The following GAB3 variants were observed in gnomAD, a reference collection of about 807,000 sequenced individuals.
The protein encoded by GAB3 is GRB2-associated-binding protein 3.
GAB3 carries 12 observed loss-of-function variants against 40.4 expected under a neutral mutation model. The observed-to-expected ratio is 0.30, with a 90% CI of 0.19 to 0.48. GAB3 has a LOEUF of 0.48. GAB3 is among the 20% of genes least tolerant of loss of function. GAB3 has a pLI of 0.99. For synonymous variants in GAB3, 154 were observed against 176.7 expected (o/e 0.87, Z 1.02); for missense variants, 381 against 461.9 (o/e 0.82, Z 1.61).
At position 154,712,584 on chromosome X, in the gene GAB3, G is replaced by A; in HGVS notation, c.714C>T (p.Pro238=). Reference sequence around the variant, plus strand: ...CCTGAGCTCCACTGCCATGGCATGAGGGGTGGACCAAATGACTGGAGGGGA... The same window carrying A: ...CCTGAGCTCCACTGCCATGGCATGAAGGGTGGACCAAATGACTGGAGGGGA... ...QPLPSSHLVH[P]SCHGSGAQEV... is the part of the protein sequence containing the mutation. The change falls in exon 4 of 10, where the codon CCC becomes CCT. Residue 238 remains proline (P), a synonymous_variant. Coordinates refer to ENST00000424127, the MANE Select transcript of GAB3 (RefSeq NM_001081573.3). 1.7e-6 allele frequency: 2 copies of A among 1,150,948 alleles called. No homozygotes were observed. Among genetic ancestry groups the A allele is most frequent in the Non-Finnish European group, 1.2e-6 (1 of 867,058 alleles). 94.9% of individuals were successfully genotyped at this position (1,150,948 alleles called of 1,213,427 possible).
At chrX:154,742,079 T>TA (rs1217815552) in intron 1 of GAB3, among the ~76,000 whole-genome samples, 5 of 111,303 alleles carry the variant, frequency 4.5e-5, no homozygotes, top group Non-Finnish European at 7.6e-5. Flanking sequence ...AAATTAGAAG[T>TA]AAAAAACAGA....
intron 8 of GAB3, among the ~76,000 whole-genome samples, chrX:154,685,792 T>C (rs1395375915): frequency 8.9e-6 from 1 of 111,939 alleles, no homozygotes; most frequent in Non-Finnish European, 1.9e-5. Context: ...ATGGCAAAGA[T>C]GGCACTGCCG....
intron 1 of GAB3, among the ~76,000 whole-genome samples, chrX:154,740,761 A>C (rs1166794928): frequency 8.9e-6 from 1 of 112,069 alleles, no homozygotes; most frequent in Non-Finnish European, 1.9e-5. Context: ...AACAGGAAAG[A>C]ATTAAAGTAG....
At chrX:154,701,436 T>G (rs1020364824) in intron 4 of GAB3, among the ~76,000 whole-genome samples, 5 of 112,282 alleles carry the variant, frequency 4.5e-5, no homozygotes, top group African/African-American at 1.3e-4. Context: ...TTGTGACAGA[T>G]AGAATGCAGA....
intron 6 of GAB3, among the ~76,000 whole-genome samples, chrX:154,697,453 T>G (rs2070677253): frequency 8.9e-6 from 1 of 112,055 alleles, no homozygotes; most frequent in Non-Finnish European, 1.9e-5. Flanking sequence ...AAGAAGTCTC[T>G]GTATATCACG....
At chrX:154,678,422 ATGTGTGCTTGTG>A in intron 9 of GAB3, 128 bp from the exon 10 acceptor site, 1 of 468,360 alleles carries the variant, frequency 2.1e-6, no homozygotes, top group Non-Finnish European at 3.7e-6. Flanking sequence ...TGTACTTTGT[ATGTGTGCTTGTG>A]TGTGTGCACG....
Position 154,678,076 on chromosome X carries a change from G to T in GAB3, c.*102C>A. On this transcript the variant is annotated 3_prime_UTR_variant, in exon 10 of 10. Coordinates refer to ENST00000424127, the MANE Select transcript of GAB3 (RefSeq NM_001081573.3). ...TTCTCTCTTGGTTTTGACCTGTGTT[G>T]ACCATCAGTGTGTTTTTAGTGGACA... 2 of 469,192 alleles carry T rather than the reference G, an allele frequency of 4.3e-6. No individual in the cohort carries two copies. Among genetic ancestry groups the T allele is most frequent in the South Asian group, 7.3e-5 (2 of 27,530 alleles). 38.7% of individuals were successfully genotyped at this position (469,192 alleles called of 1,213,427 possible).
intron 4 of GAB3, among the ~76,000 whole-genome samples, chrX:154,703,419 A>G (rs1222159572): frequency 1.8e-5 from 2 of 111,696 alleles, no homozygotes; most frequent in Non-Finnish European, 3.8e-5. Context: ...CCAATACCAC[A>G]TGCTCTCACT....
At chrX:154,705,997 C>CA (rs2070801816) in intron 4 of GAB3, among the ~76,000 whole-genome samples, 1 of 111,657 alleles carries the variant, frequency 9.0e-6, no homozygotes, top group South Asian at 3.7e-4. Context: ...ACAATAGCTA[C>CA]AAAAAATTTC....
At chrX:154,716,383 A>C in intron 1 of GAB3, 54 bp from the exon 2 acceptor site, 1 of 1,068,968 alleles carries the variant, frequency 9.4e-7, no homozygotes, top group Non-Finnish European at 1.3e-6. Flanking sequence ...CTTGTTTCTC[A>C]GGCTATGCCA....
intron 1 of GAB3, among the ~76,000 whole-genome samples, chrX:154,730,304 T>C (rs1254074301): frequency 1.2e-4 from 13 of 112,323 alleles, no homozygotes; most frequent in Non-Finnish European, 2.1e-4. Context: ...CCTCTGACTA[T>C]GGACAACTTT....
chrX:154,682,752 C>T (rs1404047320), intron 8 of GAB3, among the ~76,000 whole-genome samples: 5 of 110,922 alleles, frequency 4.5e-5, no homozygotes, highest in Admixed American at 2.9e-4. Flanking sequence ...CCGAGGCGAG[C>T]GGATCACTTG....
chrX:154,713,237 T>C lies in GAB3; in HGVS notation c.566A>G (p.Asn189Ser). 2 of 1,210,685 alleles carry C rather than the reference T, an allele frequency of 1.7e-6. No homozygotes were observed. The highest frequency in any genetic ancestry group is 2.2e-6 in the Non-Finnish European group (2 of 894,960). ...ATGGTGCAGTCTTCCAGTCTCGCAG[T>C]TGGACAAAACCAGATAATCTGGAAG... ...LFLPDYLVLS[N>S]CETGRLHHTS... is the part of the protein sequence containing the mutation. The change falls in exon 3 of 10, where the codon AAC (asparagine) becomes AGC (serine). Residue 189 changes from asparagine (N) to serine (S), a missense_variant. Around this residue, in one of 2 missense-constraint regions of GAB3, gnomAD observed 364 missense variants for 421.0 expected, o/e 0.86. Transcript: ENST00000424127.
chrX:154,680,892 G>A (rs1165834742), intron 8 of GAB3, among the ~76,000 whole-genome samples: 2 of 112,147 alleles, frequency 1.8e-5, no homozygotes, highest in Non-Finnish European at 3.8e-5. Context: ...CATTTTGGGC[G>A]GCTTCAGTTT....
Position 154,712,222 on chromosome X carries a change from C to T in GAB3, c.1069+7G>A. The T allele has an allele frequency of 8.6e-7, 1 of 1,164,562 alleles. No individual in the cohort carries two copies. The highest frequency in any genetic ancestry group is 1.2e-6 in the Non-Finnish European group (1 of 863,972). On this transcript the variant is annotated splice_region_variant and intron_variant, in intron 4 of 9. Coordinates refer to ENST00000424127, the MANE Select transcript of GAB3 (RefSeq NM_001081573.3). ...TTGGCGCCTGAATCTTAGGACCCAA[C>T]ACTTACCTTTCCAGGTTCTCATGTT...
intron 1 of GAB3, among the ~76,000 whole-genome samples, chrX:154,723,490 A>G (rs1385861830): frequency 3.6e-5 from 4 of 111,745 alleles, no homozygotes; most frequent in Non-Finnish European, 5.6e-5. Context: ...AAAGAGTACA[A>G]AAGATGATGG....
At chrX:154,729,536 G>A (rs2071263076) in intron 1 of GAB3, among the ~76,000 whole-genome samples, 1 of 111,847 alleles carries the variant, frequency 8.9e-6, no homozygotes, top group African/African-American at 3.3e-5. Flanking sequence ...TAGCAGACAA[G>A]TTGCAAGGAG....
chrX:154,713,239 G>A lies in GAB3; in HGVS notation c.564C>T (p.Ser188=), dbSNP rs782365600. The A allele has an allele frequency of 2.5e-6, 3 of 1,210,360 alleles. 1 individual carries two copies. Among genetic ancestry groups the A allele is most frequent in the Non-Finnish European group, 3.4e-6 (3 of 894,647 alleles). ...LLFLPDYLVL[S]NCETGRLHHT... ...GGTGCAGTCTTCCAGTCTCGCAGTT[G>A]GACAAAACCAGATAATCTGGAAGGA... Residue 188 remains serine (S), a synonymous_variant, in exon 3 of 10, where the codon TCC becomes TCT. Coordinates refer to ENST00000424127, the MANE Select transcript of GAB3 (RefSeq NM_001081573.3).
intron 4 of GAB3, among the ~76,000 whole-genome samples, chrX:154,709,161 C>T (rs1294764217): frequency 6.3e-5 from 7 of 110,603 alleles, no homozygotes; most frequent in Non-Finnish European, 1.1e-4. Context: ...TCCTCCTGCT[C>T]CAGCCATGTA....
Sources: gnomAD v4.1 joint callset for allele counts (sites outside exome capture counted in the v4.1 genomes callset) on GRCh38, gnomAD v4.1.1 for gene constraint, gnomAD v4.1.1 regional missense constraint, MANE v1.5 for transcripts, NCBI Gene and HGNC (gene_info 2026-07-23, HGNC 2026-07-21) for gene names.